Variants in TBX4 observed in about 807,000 individuals in gnomAD.
TBX4 encodes the protein T-box transcription factor 4.
A neutral mutation model predicts 54.6 loss-of-function variants in TBX4; 13 were observed. The ratio of observed to expected loss-of-function variants is 0.24; its 90% CI spans 0.15 to 0.38. The LOEUF is 0.38. Among genes scored for constraint, TBX4 ranks in the 10% least tolerant of loss-of-function variants. The pLI is 1.00. For synonymous variants in TBX4, 314 were observed against 306.7 expected (o/e 1.02, Z -0.25); for missense variants, 631 against 728.5 (o/e 0.87, Z 1.54).
chr17:61,474,102 A>T lies in TBX4; in HGVS notation c.550-4525A>T, dbSNP rs1424490617. On this transcript the variant is annotated intron_variant, in intron 5 of 8. Transcript: ENST00000644296. This position sits in a 1 kb window ranked among gnomAD's most constrained non-coding sequence, Gnocchi z 4.6. Reference sequence around the variant, plus strand: ...TAAGCTGAGATCCTGTCACTGTCCTAACCTCTTTGTAGGGCTGGGGAGGAT... The same window carrying T: ...TAAGCTGAGATCCTGTCACTGTCCTTACCTCTTTGTAGGGCTGGGGAGGAT... Among the ~76,000 whole-genome samples the T allele has an allele frequency of 6.6e-6, 1 of 152,134 alleles. No homozygotes were observed. Among genetic ancestry groups the T allele is most frequent in the Non-Finnish European group, 1.5e-5 (1 of 68,014 alleles).
At position 61,479,741 on chromosome 17, in the gene TBX4, G is replaced by A. The variant is rs1057229847; in HGVS notation, c.703-140G>A. 1.1e-4 allele frequency: 94 copies of A among 870,812 alleles called. 1 individual carries two copies. The African/African-American group carries it at 1.4e-3, about 13-fold the overall frequency. 53.9% of individuals were successfully genotyped at this position (870,812 alleles called of 1,614,324 possible). ...GTCCAGTCCCACCCTCCTCCCCAAG[G>A]AGGGTAGTGAGAAGCGGTGAGGCTG... On this transcript the variant is annotated intron_variant, in intron 6 of 8. Coordinates refer to ENST00000644296, the MANE Select transcript of TBX4 (RefSeq NM_001321120.2). This position sits in a 1 kb window ranked among gnomAD's most constrained non-coding sequence, Gnocchi z 6.1.
In TBX4 at chr17:61,482,901, C is replaced by T. The variant is rs1302034953; in HGVS notation, c.1026C>T (p.Asp342=). The change falls in exon 9 of 9, where the codon GAC becomes GAT. Residue 342 remains aspartate, a synonymous_variant. Coordinates refer to ENST00000644296, the MANE Select transcript of TBX4 (RefSeq NM_001321120.2). ...GAATGTTACTTTGTCTTTCAGCAGA[C>T]GGTACCCGCCACCTGGACTTACCTT... ...LFYHCLKRRA[D]GTRHLDLPCK... The T allele has an allele frequency of 1.5e-5, 25 of 1,613,426 alleles. No individual in the cohort carries two copies. The highest frequency in any genetic ancestry group is 8.9e-5 in the East Asian group (4 of 44,862).
chr17:61,454,503 A>G (rs925161274), intron 1 of TBX4, among the ~76,000 whole-genome samples: 2 of 152,206 alleles, frequency 1.3e-5, no homozygotes, highest in Non-Finnish European at 2.9e-5. Context: ...GTCCGAGAGG[A>G]CCGCGAGGAC....
At position 61,478,560 on chromosome 17, in the gene TBX4, A is replaced by G; in HGVS notation, c.550-67A>G. The G allele has an allele frequency of 1.9e-6, 3 of 1,607,044 alleles. No individual in the cohort carries two copies. The highest frequency in any genetic ancestry group is 2.2e-5 in the South Asian group (2 of 90,932). On this transcript the variant is annotated intron_variant, in intron 5 of 8. Coordinates refer to ENST00000644296, the MANE Select transcript of TBX4 (RefSeq NM_001321120.2). The surrounding 1 kb of genome is among the most constrained non-coding windows in gnomAD (Gnocchi z 7.4). ...GAAAAACCAGGCCAGGGCCAGAAGA[A>G]TGAGGTCAAGGGCCTGGGGCTTGCG...
rs1411853569 is a variant in TBX4 at position 61,481,486 on chromosome 17, T to A, written c.1021+1167T>A. The stretch of plus-strand genomic sequence containing the variant: ...TAGGCCACCTGCCAGGATCAAGAGC[T>A]TAGCTCAGGGAGAAGAGAGGGATTT... On this transcript the variant is annotated intron_variant, in intron 8 of 8. Coordinates refer to ENST00000644296, the MANE Select transcript of TBX4 (RefSeq NM_001321120.2). The surrounding 1 kb of genome is among the most constrained non-coding windows in gnomAD (Gnocchi z 4.8). 6.6e-6 allele frequency: 1 copy of A among 152,290 alleles called. No individual in the cohort carries two copies. The highest frequency in any genetic ancestry group is 1.5e-5 in the Non-Finnish European group (1 of 68,148). The allele number at this position is 152,290 out of a possible 1,614,324, so 9.4% of individuals were successfully genotyped here.
At chr17:61,452,953 G>C (rs1034337176) in intron 1 of TBX4, 48 of 985,298 alleles carry the variant, frequency 4.9e-5, no homozygotes, top group Non-Finnish European at 5.7e-5. Context: ...CAAGGAAGAG[G>C]GCCCCGGTAC....
rs763974215 is a variant in TBX4, at chr17:61,457,557, G to A, written c.207G>A (p.Val69=). ...CCCAGACCATCGAGAACATCAAGGTGGGGCTGCATGAGAAGGAGCTCTGGA... is the reference window on the plus strand; with the variant it reads ...CCCAGACCATCGAGAACATCAAGGTAGGGCTGCATGAGAAGGAGCTCTGGA... ...AAEQTIENIK[V]GLHEKELWKK... Residue 69 remains valine, a synonymous_variant, in exon 3 of 9, where the codon GTG becomes GTA. Coordinates refer to ENST00000644296, the MANE Select transcript of TBX4 (RefSeq NM_001321120.2). The surrounding 1 kb of genome is among the most constrained non-coding windows in gnomAD (Gnocchi z 8.2). 1.2e-6 allele frequency: 2 copies of A among 1,614,000 alleles called. No homozygotes were observed. The highest frequency in any genetic ancestry group is 3.3e-5 in the Admixed American group (2 of 60,022).
At position 61,456,587 on chromosome 17, in the gene TBX4, G is replaced by T. The variant is rs951749304; in HGVS notation, c.97G>T (p.Ala33Ser). The T allele has an allele frequency of 3.2e-5, 49 of 1,530,884 alleles. No homozygotes were observed. Among genetic ancestry groups the T allele is most frequent in the African/African-American group, 4.2e-5 (3 of 71,284 alleles). 94.8% of individuals were successfully genotyped at this position (1,530,884 alleles called of 1,614,324 possible). A position where few individuals can be genotyped will look rare whatever the true frequency, so the allele number is the denominator to read the frequency against. Residue 33 changes from alanine to serine, a missense_variant, in exon 2 of 9, where the codon GCG becomes TCG. Coordinates refer to ENST00000644296, the MANE Select transcript of TBX4 (RefSeq NM_001321120.2). The stretch of plus-strand genomic sequence containing the variant: ...CAGCGCAGCCAACGCCCCCGAGCCC[G>T]CGCTGGCAGCGCCGGGCCTCAGCGG... ...EASAANAPEP[A>S]LAAPGLSGAA... is the part of the protein sequence containing the mutation.
At chr17:61,456,908 C>CTAGAGA (rs1400808013) in intron 2 of TBX4, among the ~76,000 whole-genome samples, 1 of 152,190 alleles carries the variant, frequency 6.6e-6, no homozygotes, top group Non-Finnish European at 1.5e-5. Context: ...AGAGCTAGAG[C>CTAGAGA]TAGAGATAGA....
rs1053508476 is a variant in TBX4 at position 61,456,501 on chromosome 17, A to G, written c.11A>G (p.Asp4Gly). ...CTGTGCCCGCAGGAGATGCTGCAGG[A>G]TAAGGGCCTGTCCGAGAGCGAGGAG... MLQ[D>G]KGLSESEEAF... The change falls in exon 2 of 9, where the codon GAT (aspartate) becomes GGT (glycine). Residue 4 changes from aspartate to glycine, a missense_variant. Coordinates refer to ENST00000644296, the MANE Select transcript of TBX4 (RefSeq NM_001321120.2). 23 of 1,569,830 alleles carry G rather than the reference A, an allele frequency of 1.5e-5. No homozygotes were observed. Among genetic ancestry groups the G allele is most frequent in the Non-Finnish European group, 2.0e-5 (23 of 1,158,066 alleles).
rs2060618478 is a variant in TBX4, at chr17:61,476,115, A to G, written c.550-2512A>G. Among the ~76,000 whole-genome samples the G allele has an allele frequency of 6.6e-6, 1 of 152,230 alleles. No homozygotes were observed. The highest frequency in any genetic ancestry group is 1.5e-5 in the Non-Finnish European group (1 of 68,038). On this transcript the variant is annotated intron_variant, in intron 5 of 8. Transcript: ENST00000644296. This position sits in a 1 kb window ranked among gnomAD's most constrained non-coding sequence, Gnocchi z 6.5. ...AAGGAGCCTGGAGGTACAAAAGGAT[A>G]AAAGGTATAGCCCTTTCTCCTGAGG...
intron 5 of TBX4, among the ~76,000 whole-genome samples, chr17:61,477,396 C>T (rs990088317): frequency 1.3e-5 from 2 of 152,236 alleles, no homozygotes; most frequent in African/African-American, 4.8e-5. Context: ...GCCTCCAGGG[C>T]GCTTTGCTAA....
chr17:61,465,443 G>A lies in TBX4; in HGVS notation c.282-376G>A, dbSNP rs572850250. ...AAAGGACAGGAGGGAAATTAAGGCA[G>A]CAAGGTTGGCGTCAGAATCTGCTCC... On this transcript the variant is annotated intron_variant, in intron 3 of 8. Coordinates refer to ENST00000644296, the MANE Select transcript of TBX4 (RefSeq NM_001321120.2). This position sits in a 1 kb window ranked among gnomAD's most constrained non-coding sequence, Gnocchi z 4.9. 6.6e-6 allele frequency among the ~76,000 whole-genome samples: 1 copy of A among 152,344 alleles called. No homozygotes were observed. The highest frequency in any genetic ancestry group is 2.1e-4 in the South Asian group (1 of 4,828).
rs1394123429 is a variant in TBX4 at position 61,472,208 on chromosome 17, A to G, written c.549+4551A>G. Reference sequence around the variant, plus strand: ...TCTGTGAGATAAATGGCCTGTTCAAAGGGTACGTGGATTTGTAACTTTGAA... The same window carrying G: ...TCTGTGAGATAAATGGCCTGTTCAAGGGGTACGTGGATTTGTAACTTTGAA... On this transcript the variant is annotated intron_variant, in intron 5 of 8. Coordinates refer to ENST00000644296, the MANE Select transcript of TBX4 (RefSeq NM_001321120.2). This position sits in a 1 kb window ranked among gnomAD's most constrained non-coding sequence, Gnocchi z 4.5. Among the ~76,000 whole-genome samples the G allele has an allele frequency of 1.3e-5, 2 of 152,194 alleles. No individual in the cohort carries two copies. The highest frequency in any genetic ancestry group is 4.8e-5 in the African/African-American group (2 of 41,440).
rs149977669 is a variant in TBX4, at chr17:61,483,613, AGT to A, written c.*136_*137del. On this transcript the variant is annotated 3_prime_UTR_variant, in exon 9 of 9. Transcript: ENST00000644296. This position sits in a 1 kb window ranked among gnomAD's most constrained non-coding sequence, Gnocchi z 6.6. ...ACCAAGAAACACAGGAAGGTATTCCAGTGTGTGTGTGTGTGTGTGTGTGTGTG... is the reference window on the plus strand; with the variant it reads ...ACCAAGAAACACAGGAAGGTATTCCAGTGTGTGTGTGTGTGTGTGTGTGTG... 0.035 allele frequency: 27,480 copies of A among 775,832 alleles called. 35 individuals are homozygous for A. The highest frequency in any genetic ancestry group is 0.098 in the East Asian group (3,591 of 36,752). The allele number at this position is 775,832 out of a possible 1,614,324, so 48.1% of individuals were successfully genotyped here. A position where few individuals can be genotyped will look rare whatever the true frequency, so the allele number is the denominator to read the frequency against.
Position 61,476,521 on chromosome 17 carries a change from G to A in TBX4, c.550-2106G>A, listed in dbSNP as rs1051410635. ...GGTGATGGAGTCACCTAAAGGGGCT[G>A]GGAGGTGTTTTCCAGGCCCAGTTCC... On this transcript the variant is annotated intron_variant, in intron 5 of 8. Transcript: ENST00000644296. This position sits in a 1 kb window ranked among gnomAD's most constrained non-coding sequence, Gnocchi z 6.5. 6.6e-6 allele frequency among the ~76,000 whole-genome samples: 1 copy of A among 152,224 alleles called. No homozygotes were observed. Among genetic ancestry groups the A allele is most frequent in the African/African-American group, 2.4e-5 (1 of 41,452 alleles).
chr17:61,453,483 T>C (rs1330193403), intron 1 of TBX4, among the ~76,000 whole-genome samples: 1 of 152,182 alleles, frequency 6.6e-6, no homozygotes, highest in Non-Finnish European at 1.5e-5. Context: ...GCAATAGTAA[T>C]ATAAATAAAG....
At position 61,462,890 on chromosome 17, in the gene TBX4, C is replaced by T. The variant is rs1315560027; in HGVS notation, c.282-2929C>T. 6.6e-6 allele frequency: 1 copy of T among 152,350 alleles called. No individual in the cohort carries two copies. Among genetic ancestry groups the T allele is most frequent in the Non-Finnish European group, 1.5e-5 (1 of 68,126 alleles). The allele number at this position is 152,350 out of a possible 1,614,324, so 9.4% of individuals were successfully genotyped here. ...CTCCCAAACCCAGCCTGGCCTCTGT[C>T]GCCTGAGGCATGCCACGCTGGGGAA... On this transcript the variant is annotated intron_variant, in intron 3 of 8. Transcript: ENST00000644296. This position sits in a 1 kb window ranked among gnomAD's most constrained non-coding sequence, Gnocchi z 4.5.
intron 5 of TBX4, among the ~76,000 whole-genome samples, chr17:61,467,974 C>T (rs549946683): frequency 1.3e-5 from 2 of 152,372 alleles, no homozygotes; most frequent in Admixed American, 1.3e-4. Context: ...TTACCGGAAG[C>T]ACTTTGCACG....
Sources: allele counts gnomAD v4.1 joint callset (sites outside exome capture counted in the v4.1 genomes callset), GRCh38; gene constraint gnomAD v4.1.1; non-coding constraint Gnocchi (gnomAD v3.1); transcripts MANE v1.5; gene names NCBI Gene and HGNC (gene_info 2026-07-23, HGNC 2026-07-21).